The following OPCML variants were observed in gnomAD, a reference collection of about 807,000 sequenced individuals.
The protein encoded by OPCML is opioid-binding protein/cell adhesion molecule.
Under a neutral mutation model 37.8 loss-of-function variants are expected in OPCML, and 13 were observed. That is an observed-to-expected ratio of 0.34 (90% CI 0.22 to 0.55). The LOEUF is 0.55. Among genes scored for constraint, OPCML ranks in the 20% least tolerant of loss-of-function variants. The probability of loss-of-function intolerance (pLI) is 0.91; values close to 1 mark genes in which losing one functional copy is unlikely to be tolerated. For synonymous variants in OPCML, 176 were observed against 168.8 expected (o/e 1.04, Z -0.33); for missense variants, 341 against 435.6 (o/e 0.78, Z 1.93).
intron 2 of OPCML, among the ~76,000 whole-genome samples, chr11:132,786,339 C>T (rs1453791242): frequency 6.6e-6 from 1 of 152,084 alleles, no homozygotes; most frequent in African/African-American, 2.4e-5. Context: ...TTTAAAATTG[C>T]ACACAATAGT....
At chr11:132,554,863 G>GTTTTTTTTTTTTTTTTTT (rs5795789) in intron 3 of OPCML, among the ~76,000 whole-genome samples, 24 of 64,026 alleles carry the variant, frequency 3.7e-4, no homozygotes, top group East Asian at 2.2e-3. Context: ...ATGGGGTAAA[G>GTTTTTTTTTTTTTTTTTT]TTTTTTTTTT....
At chr11:133,115,570 C>A (rs1450119056) in intron 1 of OPCML, among the ~76,000 whole-genome samples, 2 of 151,826 alleles carry the variant, frequency 1.3e-5, no homozygotes, top group African/African-American at 4.8e-5. Flanking sequence ...AGAAAAAAAA[C>A]CCTAATTCTT....
At chr11:132,884,566 CT>C (rs891097197) in intron 2 of OPCML, among the ~76,000 whole-genome samples, 1 of 152,148 alleles carries the variant, frequency 6.6e-6, no homozygotes, top group African/African-American at 2.4e-5. Flanking sequence ...GAATATATAG[CT>C]TGGTTATAGT....
At chr11:133,470,988 C>A (rs1209948907) in intron 1 of OPCML, among the ~76,000 whole-genome samples, 3 of 152,120 alleles carry the variant, frequency 2.0e-5, no homozygotes, top group Non-Finnish European at 4.4e-5. Context: ...TAACTGCATC[C>A]CTACTAAGGA....
At chr11:133,321,128 G>A (rs919112204) in intron 1 of OPCML, among the ~76,000 whole-genome samples, 2 of 152,058 alleles carry the variant, frequency 1.3e-5, no homozygotes, top group Non-Finnish European at 2.9e-5. Context: ...AATAAAACAT[G>A]CCGTATTTGG....
chr11:133,064,319 C>G (rs993230018), intron 1 of OPCML, among the ~76,000 whole-genome samples: 4 of 152,230 alleles, frequency 2.6e-5, no homozygotes, highest in African/African-American at 9.6e-5. Context: ...CGCTGGGCAG[C>G]CCCTGGTACC....
At chr11:133,489,643 C>G (rs780808703) in intron 1 of OPCML, among the ~76,000 whole-genome samples, 1 of 151,964 alleles carries the variant, frequency 6.6e-6, no homozygotes, top group Non-Finnish European at 1.5e-5. Context: ...TAAATTAATA[C>G]AAAATAGAAC....
At chr11:133,181,894 G>T (rs1937849848) in intron 1 of OPCML, among the ~76,000 whole-genome samples, 1 of 151,914 alleles carries the variant, frequency 6.6e-6, no homozygotes, top group South Asian at 2.1e-4. Flanking sequence ...TCCAAAGCTG[G>T]CACAGTGAAG....
intron 1 of OPCML, among the ~76,000 whole-genome samples, chr11:133,334,623 AC>A (rs1943701028): frequency 6.6e-6 from 1 of 152,240 alleles, no homozygotes; most frequent in Admixed American, 6.5e-5. Context: ...ACAAACCTTC[AC>A]ATGGACTTCC....
At chr11:132,901,634 C>T (rs1944065679) in intron 2 of OPCML, among the ~76,000 whole-genome samples, 1 of 152,168 alleles carries the variant, frequency 6.6e-6, no homozygotes, top group Non-Finnish European at 1.5e-5. Context: ...GTCACACTGG[C>T]CACTCCATTT....
At chr11:132,707,740 G>A (rs1944094271) in intron 2 of OPCML, among the ~76,000 whole-genome samples, 1 of 152,122 alleles carries the variant, frequency 6.6e-6, no homozygotes, top group Non-Finnish European at 1.5e-5. Context: ...CTTTCAACTT[G>A]GATATGTACA....
chr11:132,600,807 G>T (rs1937820697), intron 3 of OPCML, among the ~76,000 whole-genome samples: 2 of 147,382 alleles, frequency 1.4e-5, no homozygotes, highest in South Asian at 2.2e-4. Flanking sequence ...ATACTTAGGT[G>T]ATAGTAAATA....
At chr11:133,375,940 A>G (rs1456144657) in intron 1 of OPCML, among the ~76,000 whole-genome samples, 3 of 152,270 alleles carry the variant, frequency 2.0e-5, no homozygotes, top group East Asian at 1.9e-4. Context: ...TCTTAATTCA[A>G]AGTTTGAAGA....
chr11:132,904,997 G>T (rs1211418706), intron 2 of OPCML, among the ~76,000 whole-genome samples: 2 of 152,132 alleles, frequency 1.3e-5, no homozygotes, highest in Admixed American at 6.5e-5. Context: ...CAGTGACACT[G>T]GGATCCCTTA....
intron 1 of OPCML, among the ~76,000 whole-genome samples, chr11:133,227,569 G>C (rs951067077): frequency 3.9e-5 from 6 of 151,966 alleles, no homozygotes; most frequent in Admixed American, 6.5e-5. Flanking sequence ...TAAATATACC[G>C]GTGGCTGTGA....
rs143402524 is a variant in OPCML, at chr11:132,709,673, G to C, written c.147-52354C>G. On this transcript the variant is annotated intron_variant, in intron 2 of 7. Transcript: ENST00000524381. Reference sequence around the variant, plus strand: ...CAGAATCCTCCACCGTAAAGTTACAGTTTTGCCCTTTCCATGCTCTATTCA... The same window carrying C: ...CAGAATCCTCCACCGTAAAGTTACACTTTTGCCCTTTCCATGCTCTATTCA... Among the ~76,000 whole-genome samples the C allele has an allele frequency of 4.8e-3, 735 of 152,304 alleles. 8 individuals are homozygous for C. Among genetic ancestry groups the C allele is most frequent in the African/African-American group, 0.017 (692 of 41,564 alleles).
At chr11:132,807,880 G>A (rs1299849065) in intron 2 of OPCML, among the ~76,000 whole-genome samples, 1 of 152,182 alleles carries the variant, frequency 6.6e-6, no homozygotes, top group Non-Finnish European at 1.5e-5. Context: ...CTAGCCTGAA[G>A]AGGAAATTCT....
intron 2 of OPCML, among the ~76,000 whole-genome samples, chr11:132,733,425 A>G (rs1253840410): frequency 6.6e-6 from 1 of 152,166 alleles, no homozygotes; most frequent in East Asian, 1.9e-4. Flanking sequence ...GGGGGAAATA[A>G]ATTGGATATA....
At chr11:133,033,574 T>C (rs1016316954) in intron 1 of OPCML, among the ~76,000 whole-genome samples, 13 of 152,268 alleles carry the variant, frequency 8.5e-5, no homozygotes, top group African/African-American at 2.9e-4. Context: ...GCTTTTCTTA[T>C]GGTTTGTGTA....
Sources: allele counts gnomAD v4.1 joint callset (sites outside exome capture counted in the v4.1 genomes callset), GRCh38; gene constraint gnomAD v4.1.1; transcripts MANE v1.5; gene names NCBI Gene and HGNC (gene_info 2026-07-23, HGNC 2026-07-21).